PDE1A: variants seen among roughly 807,000 people sequenced by gnomAD.
PDE1A encodes the protein phosphodiesterase 1A, also known as dual specificity calcium/calmodulin-dependent 3',5'-cyclic nucleotide phosphodiesterase 1A.
Under a neutral mutation model 61.7 loss-of-function variants are expected in PDE1A, and 35 were observed. The ratio of observed to expected loss-of-function variants is 0.57; its 90% confidence interval spans 0.43 to 0.75. The LOEUF (loss-of-function observed/expected upper bound fraction) is 0.75, where lower values mean the gene tolerates loss of function less well. Among genes scored for constraint, PDE1A ranks in the 30% least tolerant of loss-of-function variants. PDE1A has a pLI of 0.00. For missense variants in PDE1A, 597 were observed against 630.6 expected (o/e 0.95, Z 0.57); for synonymous variants, 232 against 213.2 (o/e 1.09, Z -0.77).
chr2:182,207,506 T>G (rs1216421285), intron 7 of PDE1A, among the ~76,000 whole-genome samples: 1 of 152,204 alleles, frequency 6.6e-6, no homozygotes, highest in East Asian at 1.9e-4. Flanking sequence ...AAGCCTATGC[T>G]CATTTGCATA....
the PDE1A span, among the ~76,000 whole-genome samples, chr2:182,705,569 T>C: frequency 2.4e-4 from 37 of 152,112 alleles, no homozygotes; most frequent in African/African-American, 8.4e-4. Context: ...GGAGTGCAGT[T>C]GTGTGATCTT....
chr2:182,557,066 G>T, the PDE1A span, among the ~76,000 whole-genome samples: 663 of 152,152 alleles, frequency 4.4e-3, 2 homozygotes, highest in African/African-American at 0.015. Context: ...AGGCCGAGGC[G>T]GGTGGATCAC....
At chr2:182,565,239 T>C in the PDE1A span, among the ~76,000 whole-genome samples, 2 of 152,218 alleles carry the variant, frequency 1.3e-5, no homozygotes, top group South Asian at 2.1e-4. Flanking sequence ...TTGGTGTGGA[T>C]GTCCTTTCTG....
intron 2 of PDE1A, among the ~76,000 whole-genome samples, chr2:182,458,542 G>A (rs186157816): frequency 6.6e-6 from 1 of 152,158 alleles, no homozygotes; most frequent in Admixed American, 6.6e-5. Flanking sequence ...TATAGCTGGT[G>A]TTAATTAAAT....
At chr2:182,156,824 G>T (rs1452415528) in intron 13 of PDE1A, among the ~76,000 whole-genome samples, 1 of 151,912 alleles carries the variant, frequency 6.6e-6, no homozygotes, top group Non-Finnish European at 1.5e-5. Context: ...CTATAAAGGA[G>T]AAATAATAGA....
chr2:182,213,037 G>A (rs960917643), intron 7 of PDE1A, among the ~76,000 whole-genome samples: 2 of 148,398 alleles, frequency 1.3e-5, no homozygotes, highest in Admixed American at 1.3e-4. Context: ...TTTGAAGAGA[G>A]CAGTGGTTCT....
intron 1 of PDE1A, among the ~76,000 whole-genome samples, chr2:182,405,323 C>G (rs565550392): frequency 6.6e-6 from 1 of 152,270 alleles, no homozygotes; most frequent in African/African-American, 2.4e-5. Context: ...ATAAGAAGAA[C>G]AAGAAGACAC....
At chr2:182,219,480 C>G (rs1245044223) in intron 7 of PDE1A, among the ~76,000 whole-genome samples, 1 of 152,064 alleles carries the variant, frequency 6.6e-6, no homozygotes, top group Admixed American at 6.6e-5. Context: ...TGTTCAATCT[C>G]TTAAAATGGT....
At chr2:182,472,202 CT>C (rs1388901941) in intron 2 of PDE1A, among the ~76,000 whole-genome samples, 1 of 151,860 alleles carries the variant, frequency 6.6e-6, no homozygotes, top group Non-Finnish European at 1.5e-5. Flanking sequence ...AGTCTCACTA[CT>C]TGGTATCTAC....
At chr2:182,546,130 G>A in the PDE1A span, among the ~76,000 whole-genome samples, 1 of 152,124 alleles carries the variant, frequency 6.6e-6, no homozygotes, top group Non-Finnish European at 1.5e-5. Flanking sequence ...AGCAAGTGTT[G>A]GTAATCATCT....
chr2:182,511,859 T>C (rs1023675988), intron 2 of PDE1A, among the ~76,000 whole-genome samples: 3 of 152,144 alleles, frequency 2.0e-5, no homozygotes, highest in Admixed American at 6.5e-5. Flanking sequence ...TGTCTGACCA[T>C]CAGAGAGCTT....
chr2:182,295,967 G>A (rs916150323), intron 1 of PDE1A, among the ~76,000 whole-genome samples: 1 of 152,060 alleles, frequency 6.6e-6, no homozygotes, highest in East Asian at 1.9e-4. Context: ...AAATTTACTC[G>A]TTAATTAACT....
chr2:182,486,746 T>A (rs1219136741), intron 2 of PDE1A, among the ~76,000 whole-genome samples: 1 of 152,110 alleles, frequency 6.6e-6, no homozygotes, highest in Admixed American at 6.6e-5. Context: ...AATATGACTT[T>A]CGGCCCTTAC....
chr2:182,164,290 C>T (rs1281431611), downstream of PDE1A, among the ~76,000 whole-genome samples: 2 of 152,036 alleles, frequency 1.3e-5, no homozygotes, highest in Non-Finnish European at 2.9e-5. Flanking sequence ...TGTACTATGC[C>T]TTCATGGGGA....
At chr2:182,576,395 T>G in the PDE1A span, among the ~76,000 whole-genome samples, 1 of 152,192 alleles carries the variant, frequency 6.6e-6, no homozygotes, top group South Asian at 2.1e-4. Flanking sequence ...ATGTTAGTAT[T>G]CATTTCTTTT....
chr2:182,328,673 G>A lies in PDE1A; in HGVS notation c.54-64259C>T, dbSNP rs1052869803. On this transcript the variant is annotated intron_variant, in intron 1 of 13. Transcript: ENST00000351439. ...GTTATTAGGTCTAGAGGATGACCAC[G>A]GGAGCAGGTGGTTAAGAGAGTGAGG... Among the ~76,000 whole-genome samples, 7 of 152,238 alleles carry A rather than the reference G, an allele frequency of 4.6e-5. No individual in the cohort carries two copies. The East Asian group carries it at 5.8e-4, about 13-fold the overall frequency.
chr2:182,585,753 C>T, the PDE1A span, among the ~76,000 whole-genome samples: 1 of 152,082 alleles, frequency 6.6e-6, no homozygotes, highest in Non-Finnish European at 1.5e-5. Flanking sequence ...CCTCTTTGTT[C>T]CCATAGATAC....
In PDE1A at chr2:182,253,157, G is replaced by A. The variant is rs1019170518; in HGVS notation, c.167+11144C>T. ...CATTTGCATTAGGATTTATTGTTAG[G>A]GTAAAGTGACTCCTGGGAAGGATTA... On this transcript the variant is annotated intron_variant, in intron 2 of 13. Coordinates refer to ENST00000351439, the Ensembl canonical transcript of PDE1A. 1.2e-3 allele frequency among the ~76,000 whole-genome samples: 180 copies of A among 152,244 alleles called. 2 individuals are homozygous for A. The highest frequency in any genetic ancestry group is 4.1e-3 in the African/African-American group (172 of 41,534).
At chr2:182,286,805 T>C (rs1177881138) in intron 1 of PDE1A, among the ~76,000 whole-genome samples, 1 of 152,132 alleles carries the variant, frequency 6.6e-6, no homozygotes, top group Non-Finnish European at 1.5e-5. Context: ...TCTGACTGTA[T>C]GCCAAAGAAA....
Sources: gnomAD v4.1 joint callset for allele counts (sites outside exome capture counted in the v4.1 genomes callset) on GRCh38, gnomAD v4.1.1 for gene constraint, MANE v1.5 for transcripts, NCBI Gene and HGNC (gene_info 2026-07-23, HGNC 2026-07-21) for gene names.